Variants in ADAMTS6 observed in about 807,000 individuals in gnomAD.
ADAMTS6 encodes the protein A disintegrin and metalloproteinase with thrombospondin motifs 6.
ADAMTS6 carries 23 observed loss-of-function variants against 144.3 expected under a neutral mutation model. That is an observed-to-expected ratio of 0.16 (90% confidence interval 0.11 to 0.23). The LOEUF is 0.23. Ranked by LOEUF, ADAMTS6 falls within the 10% of genes least tolerant of loss-of-function variation. ADAMTS6 has a pLI of 1.00. For synonymous variants in ADAMTS6, 444 were observed against 457.5 expected (o/e 0.97, Z 0.38); for missense variants, 999 against 1,379.6 (o/e 0.72, Z 4.37).
chr5:65,256,217 C>T (rs916846073), intron 14 of ADAMTS6, among the ~76,000 whole-genome samples: 1 of 152,234 alleles, frequency 6.6e-6, no homozygotes, highest in African/African-American at 2.4e-5. Context: ...GCACTAGCAA[C>T]ATTTCAAGTC....
At chr5:65,251,419 A>C (rs949823990) in intron 14 of ADAMTS6, 6 of 152,338 alleles carry the variant, frequency 3.9e-5, no homozygotes, top group African/African-American at 1.4e-4. Context: ...CAAAAACTCT[A>C]TTGTAGTTCC....
intron 14 of ADAMTS6, among the ~76,000 whole-genome samples, chr5:65,253,465 C>T (rs1328071593): frequency 1.3e-5 from 2 of 152,140 alleles, no homozygotes; most frequent in Non-Finnish European, 2.9e-5. Flanking sequence ...TAGTCCTTGA[C>T]TGTCAAATTA....
At position 65,182,041 on chromosome 5, in the gene ADAMTS6, C is replaced by T. The variant is rs572444476; in HGVS notation, c.2910+5975G>A. On this transcript the variant is annotated intron_variant, in intron 22 of 24. Transcript: ENST00000381055. ...CCTTTCCTAAAATCATATGCCAGGT[C>T]GTGCTTACAATTAGGGGAGATGAAG... is the stretch of plus-strand genomic sequence containing the variant. 5.3e-5 allele frequency among the ~76,000 whole-genome samples: 8 copies of T among 152,176 alleles called. No homozygotes were observed. The East Asian group carries it at 7.7e-4, about 15-fold the overall frequency.
chr5:65,240,127 A>C (rs1306085993), intron 15 of ADAMTS6, among the ~76,000 whole-genome samples: 1 of 152,142 alleles, frequency 6.6e-6, no homozygotes, highest in Non-Finnish European at 1.5e-5. Context: ...GAATGGAAAA[A>C]CTGGTTATTA....
chr5:65,333,997 T>TAAAAAAAAAAAAAAA (rs750637450), intron 8 of ADAMTS6, 45 bp downstream of exon 8: 809 of 841,966 alleles, frequency 9.6e-4, no homozygotes, highest in East Asian at 1.8e-3. Flanking sequence ...CTACCTTTAT[T>TAAAAAAAAAAAAAAA]AAAAAAAAAA....
intron 7 of ADAMTS6, among the ~76,000 whole-genome samples, chr5:65,432,534 A>C (rs1004200255): frequency 6.6e-6 from 1 of 152,090 alleles, no homozygotes; most frequent in African/African-American, 2.4e-5. Context: ...ACACACACAC[A>C]CACAAAATCT....
At chr5:65,447,681 T>A (rs1320777808) in intron 7 of ADAMTS6, among the ~76,000 whole-genome samples, 1 of 152,030 alleles carries the variant, frequency 6.6e-6, no homozygotes, top group African/African-American at 2.4e-5. Context: ...TGAATTTCAT[T>A]CACTAATTTA....
At chr5:65,384,965 C>G (rs1298881000) in intron 7 of ADAMTS6, among the ~76,000 whole-genome samples, 1 of 152,156 alleles carries the variant, frequency 6.6e-6, no homozygotes, top group Non-Finnish European at 1.5e-5. Context: ...TAGATGATAC[C>G]TTCTTGCTGC....
intron 7 of ADAMTS6, among the ~76,000 whole-genome samples, chr5:65,375,097 T>A (rs1401038216): frequency 1.3e-5 from 2 of 152,046 alleles, no homozygotes; most frequent in South Asian, 2.1e-4. Context: ...TACACCTTAT[T>A]CAAAAATCAA....
intron 7 of ADAMTS6, among the ~76,000 whole-genome samples, chr5:65,395,198 A>C (rs753873566): frequency 6.6e-6 from 1 of 152,158 alleles, no homozygotes; most frequent in Non-Finnish European, 1.5e-5. Flanking sequence ...GGTGTATATT[A>C]AACATTATGC....
At chr5:65,429,990 ATCTG>A (rs1756864767) in intron 7 of ADAMTS6, among the ~76,000 whole-genome samples, 1 of 152,066 alleles carries the variant, frequency 6.6e-6, no homozygotes, top group Admixed American at 6.6e-5. Context: ...ATATTTACTA[ATCTG>A]TCTTAAATTT....
chr5:65,390,954 GTTTTT>G (rs34797529), intron 7 of ADAMTS6, among the ~76,000 whole-genome samples: 1 of 141,260 alleles, frequency 7.1e-6, no homozygotes, highest in African/African-American at 2.6e-5. Flanking sequence ...TTTTTTGAGG[GTTTTT>G]TTTTTTTTTG....
At chr5:65,445,492 C>T (rs1758205141) in intron 7 of ADAMTS6, among the ~76,000 whole-genome samples, 5 of 152,168 alleles carry the variant, frequency 3.3e-5, no homozygotes, top group Admixed American at 3.3e-4. Flanking sequence ...CGCGTGCCAC[C>T]ACGCCCGACT....
intron 4 of ADAMTS6, among the ~76,000 whole-genome samples, chr5:65,457,014 T>A (rs1389063135): frequency 6.6e-6 from 1 of 152,222 alleles, no homozygotes; most frequent in Admixed American, 6.5e-5. Context: ...TGCCTATAAA[T>A]TCACATCTCT....
intron 4 of ADAMTS6, 48 bp from the exon 5 acceptor site, chr5:65,452,966 T>C (rs1292524254): frequency 1.4e-6 from 2 of 1,405,206 alleles, no homozygotes; most frequent in Non-Finnish European, 2.0e-6. Context: ...TTAAAAATAT[T>C]TATTTATAGA....
intron 11 of ADAMTS6, among the ~76,000 whole-genome samples, chr5:65,284,836 C>A: frequency 6.6e-6 from 1 of 152,120 alleles, no homozygotes; most frequent in Non-Finnish European, 1.5e-5. Context: ...CACTACAACA[C>A]ACTGGGATTC....
At chr5:65,474,796 C>CAAAAAAAAAAAAAAAAAAAAGAAA in intron 1 of ADAMTS6, among the ~76,000 whole-genome samples, 1 of 78,882 alleles carries the variant, frequency 1.3e-5, no homozygotes, top group African/African-American at 4.3e-5. Flanking sequence ...AAACTGTGAC[C>CAAAAAAAAAAAAAAAAAAAAGAAA]AAAAAAAAAA....
chr5:65,475,359 C>T (rs976116300), intron 1 of ADAMTS6, among the ~76,000 whole-genome samples: 14 of 152,104 alleles, frequency 9.2e-5, no homozygotes, highest in Admixed American at 3.3e-4. Context: ...CATTAATCAA[C>T]AAATATTGTC....
intron 13 of ADAMTS6, among the ~76,000 whole-genome samples, chr5:65,261,340 A>G (rs1761175606): frequency 6.6e-6 from 1 of 152,204 alleles, no homozygotes. Context: ...ATTTAACATT[A>G]GGGAAAACCA....
Sources: gnomAD v4.1 joint callset for allele counts (sites outside exome capture counted in the v4.1 genomes callset) on GRCh38, gnomAD v4.1.1 for gene constraint, MANE v1.5 for transcripts, NCBI Gene and HGNC (gene_info 2026-07-23, HGNC 2026-07-21) for gene names.